Variants in TPCN1 observed in about 807,000 individuals in gnomAD.
TPCN1 encodes the protein two pore channel protein 1.
Under a neutral mutation model 108.8 loss-of-function variants are expected in TPCN1, and 52 were observed. The ratio of observed to expected loss-of-function variants is 0.48; its 90% CI spans 0.38 to 0.60. The LOEUF (loss-of-function observed/expected upper bound fraction) is 0.60. Ranked by LOEUF, TPCN1 falls within the 20% of genes least tolerant of loss-of-function variation. The pLI is 0.00. For synonymous variants in TPCN1, 446 were observed against 433.7 expected, an observed-to-expected ratio of 1.03 and a Z score of -0.35; for missense variants, 806 against 1,072.8, an observed-to-expected ratio of 0.75 and a Z score of 3.47.
At position 113,273,135 on chromosome 12, in the gene TPCN1, T is replaced by C. The variant is rs1330786585; in HGVS notation, c.784-97T>C. The stretch of plus-strand genomic sequence containing the variant: ...GATTCCTTGAGAGATGCAAGAGCGG[T>C]CAAGGCAGGGCATGCCAGGTGGCCC... On this transcript the variant is annotated intron_variant, in intron 8 of 27. Transcript: ENST00000335509. This position sits in a 1 kb window ranked among gnomAD's most constrained non-coding sequence, Gnocchi z 4.0. The C allele has an allele frequency of 1.8e-6, 2 of 1,097,754 alleles. No homozygotes were observed. The highest frequency in any genetic ancestry group is 2.8e-6 in the Non-Finnish European group (2 of 711,544). The allele number at this position is 1,097,754 out of a possible 1,614,324, so 68.0% of individuals were successfully genotyped here.
chr12:113,280,619 C>T (rs138649140), intron 15 of TPCN1, among the ~76,000 whole-genome samples: 159 of 152,318 alleles, frequency 1.0e-3, no homozygotes, highest in African/African-American at 3.6e-3. Flanking sequence ...CCACTGGCCA[C>T]ATGTGGCAAT....
intron 22 of TPCN1, 147 bp downstream of exon 22, chr12:113,290,390 C>T: frequency 1.6e-6 from 1 of 637,278 alleles, no homozygotes; most frequent in South Asian, 1.8e-5. Context: ...CTTGGTCTGC[C>T]CAGCTTTGGC....
At chr12:113,270,514 C>G (rs1292901663) in intron 7 of TPCN1, among the ~76,000 whole-genome samples, 1 of 151,432 alleles carries the variant, frequency 6.6e-6, no homozygotes, top group East Asian at 1.9e-4. Context: ...GGAGTCTCAC[C>G]CTGTCACCCA....
intron 7 of TPCN1, among the ~76,000 whole-genome samples, 188 bp downstream of exon 7, chr12:113,270,033 TA>T (rs1236751571): frequency 6.6e-6 from 1 of 152,046 alleles, no homozygotes; most frequent in Non-Finnish European, 1.5e-5. Context: ...CAGTTTCTAC[TA>T]AAAATACAAA....
rs556398397 is a variant in TPCN1, at chr12:113,248,969, G to T, written c.113-11399G>T. ...GGGCCACAGTGTGGCAGGGGAGCTG[G>T]TGAGAGCGAGGTCTTGTGGGCCAGG... On this transcript the variant is annotated intron_variant, in intron 2 of 27. Transcript: ENST00000335509. Among the ~76,000 whole-genome samples the T allele has an allele frequency of 3.3e-5, 5 of 152,196 alleles. No homozygotes were observed. The East Asian group carries it at 7.7e-4, about 23-fold the overall frequency.
Position 113,268,063 on chromosome 12 carries a change from G to T in TPCN1, c.528+107G>T, listed in dbSNP as rs1348362140. 2.4e-6 allele frequency: 2 copies of T among 822,390 alleles called. No homozygotes were observed. Among genetic ancestry groups the T allele is most frequent in the East Asian group, 5.3e-5 (2 of 37,548 alleles). 50.9% of individuals were successfully genotyped at this position (822,390 alleles called of 1,614,324 possible). A position where few individuals can be genotyped will look rare whatever the true frequency, so the allele number is the denominator to read the frequency against. On this transcript the variant is annotated intron_variant, in intron 5 of 27. Coordinates refer to ENST00000335509, the MANE Select transcript of TPCN1 (RefSeq NM_017901.6). The surrounding 1 kb of genome is among the most constrained non-coding windows in gnomAD (Gnocchi z 7.3). ...AGAATCCACCATGGGCCCAGTCCAT[G>T]CTCAGAGGTGTAACCCTAGGGTCCC...
rs1955577455 is a variant in TPCN1, at chr12:113,273,605, C to T, written c.879C>T (p.Asn293=). The change falls in exon 10 of 28, where the codon AAC becomes AAT. Residue 293 remains asparagine (N), a synonymous_variant. Transcript: ENST00000335509. The surrounding 1 kb of genome is among the most constrained non-coding windows in gnomAD (Gnocchi z 4.0). ...TGATGATGCCCTCCTACTCCCGGAACCCCTGGTCCTGCGTCTTCTTCATCG... is the reference window on the plus strand; with the variant it reads ...TGATGATGCCCTCCTACTCCCGGAATCCCTGGTCCTGCGTCTTCTTCATCG... ...PDVMMPSYSR[N]PWSCVFFIVY... The T allele has an allele frequency of 6.2e-7, 1 of 1,614,184 alleles. No individual in the cohort carries two copies. Among genetic ancestry groups the T allele is most frequent in the Non-Finnish European group, 8.5e-7 (1 of 1,180,014 alleles).
intron 14 of TPCN1, among the ~76,000 whole-genome samples, chr12:113,279,393 T>TATATA (rs1955812931): frequency 1.6e-5 from 1 of 61,856 alleles, no homozygotes; most frequent in Non-Finnish European, 3.2e-5. Context: ...ATATATATAT[T>TATATA]TTTTTTTTTT....
chr12:113,280,927 G>GT (rs890321269), intron 15 of TPCN1, among the ~76,000 whole-genome samples: 8 of 151,740 alleles, frequency 5.3e-5, no homozygotes, highest in Non-Finnish European at 7.4e-5. Flanking sequence ...CTAGGGTTTT[G>GT]TTTTTTTTAA....
rs1441647276 is a variant in TPCN1, at chr12:113,296,329, G to A, written c.*253G>A. 2.0e-6 allele frequency: 1 copy of A among 488,478 alleles called. No individual in the cohort carries two copies. Among genetic ancestry groups the A allele is most frequent in the Non-Finnish European group, 3.6e-6 (1 of 278,482 alleles). 30.3% of individuals were successfully genotyped at this position (488,478 alleles called of 1,614,324 possible). ...GCTCTTCCTACTGTGGAAGGCTCCA[G>A]AAGGCCCTTCACAAGGAGACCCCTC... On this transcript the variant is annotated 3_prime_UTR_variant, in exon 28 of 28. Coordinates refer to ENST00000335509, the MANE Select transcript of TPCN1 (RefSeq NM_017901.6).
At position 113,272,664 on chromosome 12, in the gene TPCN1, A is replaced by G. The variant is rs769551921; in HGVS notation, c.755A>G (p.Tyr252Cys). 6.8e-6 allele frequency: 11 copies of G among 1,613,774 alleles called. No homozygotes were observed. The highest frequency in any genetic ancestry group is 9.3e-6 in the Non-Finnish European group (11 of 1,179,750). ...TGTTTCCACCCACTTCTAGGTTTCT[A>G]CTTGTTCTCCCCTAACCCTTCAGAC... ...FMIIFAILGF[Y>C]LFSPNPSDPY... is the part of the protein sequence containing the mutation. The change falls in exon 8 of 28, where the codon TAC becomes TGC. Residue 252 changes from tyrosine to cysteine, a missense_variant. By Grantham distance (194) the Tyr-to-Cys change is radical. Transcript: ENST00000335509. This position sits in a 1 kb window ranked among gnomAD's most constrained non-coding sequence, Gnocchi z 4.1.
At chr12:113,264,603 C>T (rs957059932) in intron 3 of TPCN1, among the ~76,000 whole-genome samples, 5 of 151,840 alleles carry the variant, frequency 3.3e-5, no homozygotes, top group African/African-American at 7.2e-5. Flanking sequence ...TGCTTGAACC[C>T]AGGAGGCGGA....
rs929181826 is a variant in TPCN1, at chr12:113,226,934, G to A, written c.82G>A (p.Gly28Ser). The change falls in exon 2 of 28, where the codon GGC becomes AGC. Residue 28 changes from glycine to serine, a missense_variant. Physicochemically the swap from Gly to Ser is moderately conservative, Grantham distance 56. Transcript: ENST00000335509. ...CAGTGCCCCACTGGCTCCCTCCAAC[G>A]GCCTGGGCCAAGAAGAGCTACCTAG... is the stretch of plus-strand genomic sequence containing the variant. ...GGSAPLAPSN[G>S]LGQEELPSKN... The A allele has an allele frequency of 6.8e-6, 11 of 1,613,900 alleles. No individual in the cohort carries two copies. Among genetic ancestry groups the A allele is most frequent in the East Asian group, 2.2e-5 (1 of 44,894 alleles).
At position 113,273,121 on chromosome 12, in the gene TPCN1, A is replaced by G; in HGVS notation, c.784-111A>G. The stretch of plus-strand genomic sequence containing the variant: ...CTGCCTCCCTCAGGGATTCCTTGAG[A>G]GATGCAAGAGCGGTCAAGGCAGGGC... On this transcript the variant is annotated intron_variant, in intron 8 of 27. Transcript: ENST00000335509. This position sits in a 1 kb window ranked among gnomAD's most constrained non-coding sequence, Gnocchi z 4.0. 2.2e-6 allele frequency: 2 copies of G among 917,436 alleles called. No individual in the cohort carries two copies. The highest frequency in any genetic ancestry group is 3.6e-6 in the Non-Finnish European group (2 of 551,206). The allele number at this position is 917,436 out of a possible 1,614,324, so 56.8% of individuals were successfully genotyped here.
In TPCN1 at chr12:113,267,539, C is replaced by T. The variant is rs1026065671; in HGVS notation, c.415-304C>T. Among the ~76,000 whole-genome samples, 4 of 152,230 alleles carry T rather than the reference C, an allele frequency of 2.6e-5. No homozygotes were observed. In the South Asian group the frequency reaches 8.3e-4, roughly 32 times the overall value. On this transcript the variant is annotated intron_variant, in intron 4 of 27. Transcript: ENST00000335509. Reference sequence around the variant, plus strand: ...TCAGCCTCCTGAGTAGCTGGGATTACAGGTGTGCGCCACCACGCCCAGCTA... The same window carrying T: ...TCAGCCTCCTGAGTAGCTGGGATTATAGGTGTGCGCCACCACGCCCAGCTA...
chr12:113,291,675 A>G lies in TPCN1; in HGVS notation c.2026A>G (p.Met676Val), dbSNP rs1956273352. The change falls in exon 24 of 28, where the codon ATG becomes GTG. Residue 676 changes from methionine (M) to valine (V), a missense_variant and splice_region_variant. Transcript: ENST00000335509. The stretch of plus-strand genomic sequence containing the variant: ...CTTCATGACCTTTTACATTGTGACC[A>G]TGGTAGGTCCCGGACCACAGAACGC... ...LYFMTFYIVT[M>V]VVMTIIVAFI... 3 of 1,613,618 alleles carry G rather than the reference A, an allele frequency of 1.9e-6. No individual in the cohort carries two copies. Among genetic ancestry groups the G allele is most frequent in the African/African-American group, 1.3e-5 (1 of 74,924 alleles).
At chr12:113,256,094 A>G (rs1954820784) in intron 2 of TPCN1, among the ~76,000 whole-genome samples, 1 of 152,118 alleles carries the variant, frequency 6.6e-6, no homozygotes, top group South Asian at 2.1e-4. Flanking sequence ...AAGTGCTGGG[A>G]TTATAGGCAC....
rs770592298 is a variant in TPCN1 at position 113,284,371 on chromosome 12, G to C, written c.1343-210G>C. ...GAGGGAGTGTTTTTAGAAATTTATAGCTGTTTCTAGGTGAAAACACTGGTT... is the reference window on the plus strand; with the variant it reads ...GAGGGAGTGTTTTTAGAAATTTATACCTGTTTCTAGGTGAAAACACTGGTT... On this transcript the variant is annotated intron_variant, in intron 15 of 27. Coordinates refer to ENST00000335509, the MANE Select transcript of TPCN1 (RefSeq NM_017901.6). This position sits in a 1 kb window ranked among gnomAD's most constrained non-coding sequence, Gnocchi z 4.1. Among the ~76,000 whole-genome samples the C allele has an allele frequency of 9.2e-5, 14 of 152,158 alleles. No individual in the cohort carries two copies. The highest frequency in any genetic ancestry group is 2.1e-4 in the Non-Finnish European group (14 of 68,026).
At chr12:113,248,039 C>G (rs970353225) in intron 2 of TPCN1, among the ~76,000 whole-genome samples, 2 of 152,190 alleles carry the variant, frequency 1.3e-5, no homozygotes, top group Admixed American at 6.5e-5. Context: ...TTACTCTTAA[C>G]ACAAAACAGC....
Sources: allele counts gnomAD v4.1 joint callset (sites outside exome capture counted in the v4.1 genomes callset), GRCh38; gene constraint gnomAD v4.1.1; non-coding constraint Gnocchi (gnomAD v3.1); transcripts MANE v1.5; gene names NCBI Gene and HGNC (gene_info 2026-07-23, HGNC 2026-07-21).